Variants in GRID1 observed in about 807,000 individuals in gnomAD.
GRID1 encodes glutamate receptor ionotropic, delta-1.
GRID1 carries 28 observed loss-of-function variants against 98.0 expected under a neutral mutation model. The observed-to-expected ratio is 0.29, with a 90% confidence interval of 0.21 to 0.39. GRID1 has a LOEUF of 0.39. GRID1 is among the 10% of genes least tolerant of loss of function. The pLI is 1.00. For missense variants in GRID1, 1,111 were observed against 1,340.5 expected (o/e 0.83, Z 2.67); for synonymous variants, 553 against 538.5 (o/e 1.03, Z -0.37).
chr10:86,139,365 G>A (rs555890814), intron 3 of GRID1, among the ~76,000 whole-genome samples: 1 of 152,126 alleles, frequency 6.6e-6, no homozygotes, highest in African/African-American at 2.4e-5. Context: ...ACATTTGCTG[G>A]CAGTCCCTGG....
chr10:86,021,970 CA>C (rs1188331899), intron 4 of GRID1, among the ~76,000 whole-genome samples: 2 of 152,122 alleles, frequency 1.3e-5, no homozygotes, highest in Admixed American at 1.3e-4. Flanking sequence ...ATGCAAGCTG[CA>C]TATTCAATTT....
chr10:86,125,784 T>C (rs1302445882), intron 4 of GRID1, among the ~76,000 whole-genome samples: 1 of 152,204 alleles, frequency 6.6e-6, no homozygotes, highest in African/African-American at 2.4e-5. Flanking sequence ...GACGAAGACC[T>C]CTATGATGAG....
At chr10:85,976,728 C>G (rs1313100394) in intron 4 of GRID1, among the ~76,000 whole-genome samples, 1 of 152,224 alleles carries the variant, frequency 6.6e-6, no homozygotes, top group Non-Finnish European at 1.5e-5. Context: ...AGCTGCTGCT[C>G]TTGGCTGCAG....
At chr10:85,898,149 T>A (rs1841320795) in intron 5 of GRID1, among the ~76,000 whole-genome samples, 1 of 152,230 alleles carries the variant, frequency 6.6e-6, no homozygotes, top group South Asian at 2.1e-4. Context: ...CCGTACTGAC[T>A]ATTGCAGGCA....
chr10:85,754,465 A>T (rs1002233952), intron 8 of GRID1, among the ~76,000 whole-genome samples: 1 of 152,216 alleles, frequency 6.6e-6, no homozygotes, highest in South Asian at 2.1e-4. Context: ...CTGAGGAGAA[A>T]CAGAGAAAAG....
intron 4 of GRID1, among the ~76,000 whole-genome samples, chr10:85,969,945 C>T (rs1251833302): frequency 6.7e-6 from 1 of 150,322 alleles, no homozygotes; most frequent in East Asian, 2.0e-4. Flanking sequence ...TAAAATTTAA[C>T]TAGATTTATC....
intron 8 of GRID1, among the ~76,000 whole-genome samples, chr10:85,789,944 C>T (rs980397611): frequency 2.0e-5 from 3 of 152,208 alleles, no homozygotes; most frequent in Non-Finnish European, 2.9e-5. Context: ...TGGCAGCACC[C>T]GCCCTCATGG....
chr10:85,838,428 A>G (rs1842931182), intron 8 of GRID1, among the ~76,000 whole-genome samples: 2 of 152,196 alleles, frequency 1.3e-5, no homozygotes, highest in Non-Finnish European at 2.9e-5. Flanking sequence ...CCAGGTCACC[A>G]ACAAGGGAAG....
At chr10:85,738,044 G>A (rs193119863) in intron 8 of GRID1, among the ~76,000 whole-genome samples, 114 of 152,142 alleles carry the variant, frequency 7.5e-4, no homozygotes, top group Non-Finnish European at 1.3e-3. Flanking sequence ...CTCAAGGGAG[G>A]CCACATCTAC....
rs1008321209 is a variant in GRID1 at position 85,602,453 on chromosome 10, G to A, written c.2850C>T (p.Asn950=). ...CCGAGCTGCTCAGCGGCAGCGGCAG[G>A]TTGCTGCTGGGCCCTGATGAGAGTG... ...SRTLSSGPSS[N]LPLPLSSSAT... is the part of the protein sequence containing the mutation. The change falls in exon 16 of 16, where the codon AAC becomes AAT. Residue 950 remains asparagine (N), a synonymous_variant. Transcript: ENST00000327946. 1.2e-6 allele frequency: 2 copies of A among 1,614,084 alleles called. No homozygotes were observed. Among genetic ancestry groups the A allele is most frequent in the African/African-American group, 2.7e-5 (2 of 74,952 alleles).
At chr10:85,872,802 T>C (rs1843291574) in intron 5 of GRID1, among the ~76,000 whole-genome samples, 1 of 152,160 alleles carries the variant, frequency 6.6e-6, no homozygotes, top group South Asian at 2.1e-4. Flanking sequence ...ACTTCCTGTT[T>C]CCCCTAATCC....
At position 86,048,573 on chromosome 10, in the gene GRID1, TG is replaced by T. The variant is rs139932049; in HGVS notation, c.726+90245del. Among the ~76,000 whole-genome samples the T allele has an allele frequency of 3.5e-3, 533 of 152,346 alleles. 8 individuals are homozygous for T. Among genetic ancestry groups the T allele is most frequent in the African/African-American group, 0.012 (508 of 41,582 alleles). On this transcript the variant is annotated intron_variant, in intron 4 of 15. Transcript: ENST00000327946. ...GGAGATCCAGGCTAGGGGCCTGGGC[TG>T]AAGCCCCAGCACATGAGGCTCATGG...
At chr10:86,000,151 A>C (rs1289486697) in intron 4 of GRID1, among the ~76,000 whole-genome samples, 3 of 152,254 alleles carry the variant, frequency 2.0e-5, no homozygotes. Flanking sequence ...ATCATACACA[A>C]AACTCAGTTG....
At chr10:85,628,726 G>A (rs1271186036) in intron 13 of GRID1, among the ~76,000 whole-genome samples, 2 of 152,188 alleles carry the variant, frequency 1.3e-5, no homozygotes, top group Non-Finnish European at 2.9e-5. Flanking sequence ...ACCAGGACAG[G>A]CTCAGTCGGG....
chr10:85,639,630 T>C (rs1843090860), intron 13 of GRID1, among the ~76,000 whole-genome samples: 1 of 152,178 alleles, frequency 6.6e-6, no homozygotes, highest in African/African-American at 2.4e-5. Context: ...TCCCAGCACT[T>C]TGGGAGGCCG....
At chr10:85,990,514 A>G (rs1842667189) in intron 4 of GRID1, among the ~76,000 whole-genome samples, 1 of 152,240 alleles carries the variant, frequency 6.6e-6, no homozygotes, top group African/African-American at 2.4e-5. Flanking sequence ...AAAACAAATC[A>G]TGAGAGACGA....
intron 3 of GRID1, among the ~76,000 whole-genome samples, chr10:86,169,401 C>T (rs1809284660): frequency 6.6e-6 from 1 of 152,174 alleles, no homozygotes; most frequent in Admixed American, 6.5e-5. Flanking sequence ...GTAAATATTT[C>T]CACCATGGTA....
At chr10:85,890,406 C>T (rs567144598) in intron 5 of GRID1, among the ~76,000 whole-genome samples, 2 of 152,030 alleles carry the variant, frequency 1.3e-5, no homozygotes, top group East Asian at 3.9e-4. Flanking sequence ...ATTGTACCAC[C>T]CATAAATATG....
intron 8 of GRID1, among the ~76,000 whole-genome samples, chr10:85,842,926 T>C (rs1842973385): frequency 6.6e-6 from 1 of 151,952 alleles, no homozygotes; most frequent in Non-Finnish European, 1.5e-5. Context: ...GCAGATATGA[T>C]AGTACAACAG....
Sources: gnomAD v4.1 joint callset for allele counts (sites outside exome capture counted in the v4.1 genomes callset) on GRCh38, gnomAD v4.1.1 for gene constraint, MANE v1.5 for transcripts, NCBI Gene and HGNC (gene_info 2026-07-23, HGNC 2026-07-21) for gene names.